PDE4D: variants seen among roughly 807,000 people sequenced by gnomAD.
PDE4D encodes phosphodiesterase 4D.
Under a neutral mutation model 87.4 loss-of-function variants are expected in PDE4D, and 24 were observed. The ratio of observed to expected loss-of-function variants is 0.27; its 90% CI spans 0.20 to 0.39. The LOEUF (loss-of-function observed/expected upper bound fraction) is 0.39, where lower values mean the gene tolerates loss of function less well. Among genes scored for constraint, PDE4D ranks in the 10% least tolerant of loss-of-function variants. The pLI, the probability that PDE4D is intolerant of heterozygous loss-of-function variation, is 1.00. For missense variants in PDE4D, 714 were observed against 1,041.0 expected (o/e 0.69, Z 4.32); for synonymous variants, 384 against 383.2 (o/e 1.00, Z -0.02).
At chr5:60,017,573 T>C (rs2152849828) in intron 2 of PDE4D, among the ~76,000 whole-genome samples, 1 of 152,300 alleles carries the variant, frequency 6.6e-6, no homozygotes, top group Admixed American at 6.5e-5. Context: ...CTGAGTTAGT[T>C]TGCTGAGAAT....
At chr5:59,906,931 A>G (rs1247662787) in intron 3 of PDE4D, among the ~76,000 whole-genome samples, 1 of 152,134 alleles carries the variant, frequency 6.6e-6, no homozygotes, top group Admixed American at 6.6e-5. Flanking sequence ...CATGCACGTG[A>G]ATGTTCCTTG....
At chr5:60,399,219 G>C (rs1763103195) in intron 1 of PDE4D, among the ~76,000 whole-genome samples, 1 of 152,060 alleles carries the variant, frequency 6.6e-6, no homozygotes, top group South Asian at 2.1e-4. Flanking sequence ...TCTTAGTATT[G>C]CTTATAGAAA....
intron 1 of PDE4D, among the ~76,000 whole-genome samples, chr5:59,736,916 G>A (rs1758151074): frequency 6.6e-6 from 1 of 152,102 alleles, no homozygotes; most frequent in Non-Finnish European, 1.5e-5. Flanking sequence ...TTTGGAGGCA[G>A]TCTTCAAACA....
At chr5:60,274,041 A>G (rs1485078725) in intron 1 of PDE4D, among the ~76,000 whole-genome samples, 1 of 152,168 alleles carries the variant, frequency 6.6e-6, no homozygotes, top group African/African-American at 2.4e-5. Flanking sequence ...GATCCATGTT[A>G]CCTTAAAAGG....
At chr5:60,121,588 C>T (rs1562120600) in intron 2 of PDE4D, among the ~76,000 whole-genome samples, 1 of 152,046 alleles carries the variant, frequency 6.6e-6, no homozygotes. Context: ...TTCACGACCA[C>T]GAGAACAGTG....
chr5:60,321,181 T>C (rs1211090074), intron 1 of PDE4D, among the ~76,000 whole-genome samples: 1 of 152,170 alleles, frequency 6.6e-6, no homozygotes, highest in Non-Finnish European at 1.5e-5. Context: ...AACAGCATGA[T>C]ACAGGTACAA....
At chr5:59,715,211 T>C (rs1166595143) in intron 1 of PDE4D, among the ~76,000 whole-genome samples, 1 of 152,230 alleles carries the variant, frequency 6.6e-6, no homozygotes, top group Admixed American at 6.5e-5. Flanking sequence ...ACATCCACTT[T>C]AGCAAAGTGG....
At chr5:59,103,728 C>G (rs969501831) in intron 5 of PDE4D, among the ~76,000 whole-genome samples, 1 of 152,164 alleles carries the variant, frequency 6.6e-6, no homozygotes, top group Non-Finnish European at 1.5e-5. Context: ...TTTCATGGAA[C>G]AGATCATTAG....
At chr5:60,396,409 T>A (rs919227904) in intron 1 of PDE4D, among the ~76,000 whole-genome samples, 3 of 152,168 alleles carry the variant, frequency 2.0e-5, no homozygotes, top group Non-Finnish European at 4.4e-5. Context: ...TTCTTACGGG[T>A]CTTCTTCTCA....
intron 1 of PDE4D, among the ~76,000 whole-genome samples, chr5:59,842,087 CAG>C (rs1743105512): frequency 6.6e-6 from 1 of 151,998 alleles, no homozygotes; most frequent in Non-Finnish European, 1.5e-5. Flanking sequence ...ATTGGCATTT[CAG>C]AGTGATCACC....
At chr5:60,275,814 A>G (rs183011605) in intron 1 of PDE4D, among the ~76,000 whole-genome samples, 1 of 152,056 alleles carries the variant, frequency 6.6e-6, no homozygotes, top group Non-Finnish European at 1.5e-5. Flanking sequence ...GTGTCCCACA[A>G]ATTTTATAGT....
chr5:60,141,580 T>C (rs562575332), intron 2 of PDE4D, among the ~76,000 whole-genome samples: 19 of 152,240 alleles, frequency 1.2e-4, no homozygotes, highest in South Asian at 1.0e-3. Context: ...TATGGGCTAA[T>C]AACAAGAGCT....
At chr5:60,047,014 G>C (rs1383728246) in intron 2 of PDE4D, among the ~76,000 whole-genome samples, 1 of 152,160 alleles carries the variant, frequency 6.6e-6, no homozygotes, top group Non-Finnish European at 1.5e-5. Flanking sequence ...TTTTTGGTTG[G>C]TAAGCTATTA....
chr5:59,375,886 T>C (rs1298140130), intron 1 of PDE4D, among the ~76,000 whole-genome samples: 3 of 152,148 alleles, frequency 2.0e-5, no homozygotes, highest in Non-Finnish European at 2.9e-5. Context: ...GTTCAACATA[T>C]GCAAATCAAT....
At chr5:60,369,874 T>C (rs1447206966) in intron 1 of PDE4D, among the ~76,000 whole-genome samples, 1 of 152,130 alleles carries the variant, frequency 6.6e-6, no homozygotes, top group East Asian at 1.9e-4. Flanking sequence ...ATTCTGTGAG[T>C]GATATTCATT....
chr5:59,197,482 T>C (rs1290088758), intron 2 of PDE4D, among the ~76,000 whole-genome samples: 4 of 152,198 alleles, frequency 2.6e-5, no homozygotes, highest in Non-Finnish European at 5.9e-5. Flanking sequence ...AGCCTATCCA[T>C]TTATTTTCAA....
chr5:59,732,832 C>T (rs530828122), intron 1 of PDE4D, among the ~76,000 whole-genome samples: 2 of 152,130 alleles, frequency 1.3e-5, no homozygotes, highest in African/African-American at 2.4e-5. Flanking sequence ...CCTTTAAGGA[C>T]ATATCACAAG....
intron 1 of PDE4D, among the ~76,000 whole-genome samples, chr5:59,873,024 T>C (rs748693665): frequency 8.5e-5 from 13 of 152,202 alleles, no homozygotes; most frequent in Non-Finnish European, 1.3e-4. Context: ...TGCATTTACA[T>C]TGTGAAAGGT....
chr5:59,541,914 CTCT>C (rs1399579243), intron 1 of PDE4D, among the ~76,000 whole-genome samples: 2 of 152,116 alleles, frequency 1.3e-5, no homozygotes, highest in Middle Eastern at 3.2e-3. Context: ...GCATGATCTA[CTCT>C]TCTTCTCAGG....
Sources: allele counts gnomAD v4.1 joint callset (sites outside exome capture counted in the v4.1 genomes callset), GRCh38; gene constraint gnomAD v4.1.1; transcripts MANE v1.5; gene names NCBI Gene and HGNC (gene_info 2026-07-23, HGNC 2026-07-21).